NEO1: variants seen among roughly 807,000 people sequenced by gnomAD.
NEO1 encodes neogenin.
A neutral mutation model predicts 159.7 loss-of-function variants in NEO1; 63 were observed. That is an observed-to-expected ratio of 0.39 (90% CI 0.32 to 0.49). NEO1 has a LOEUF of 0.49. Ranked by LOEUF, NEO1 falls within the 20% of genes least tolerant of loss-of-function variation. NEO1 has a pLI of 0.85. For missense variants in NEO1, 1,615 were observed against 1,831.0 expected (o/e 0.88, Z 2.15); for synonymous variants, 633 against 662.0 (o/e 0.96, Z 0.67).
chr15:73,205,459 C>T (rs1478161321), intron 7 of NEO1, among the ~76,000 whole-genome samples: 1 of 152,196 alleles, frequency 6.6e-6, no homozygotes, highest in Non-Finnish European at 1.5e-5. Context: ...CTCTTCCTCT[C>T]CCCCTGCCAG....
intron 8 of NEO1, 71 bp from the exon 9 acceptor site, chr15:73,244,273 G>A (rs2039639615): frequency 6.7e-7 from 1 of 1,494,494 alleles, no homozygotes; most frequent in East Asian, 2.3e-5. Context: ...TATGTGGAGT[G>A]GAAAATGAAA....
chr15:73,285,662 T>C (rs2041917265), intron 23 of NEO1, among the ~76,000 whole-genome samples: 1 of 152,226 alleles, frequency 6.6e-6, no homozygotes, highest in African/African-American at 2.4e-5. Context: ...TACAGAGTCT[T>C]ACAACCTCAA....
At position 73,074,068 on chromosome 15, in the gene NEO1, A is replaced by C. The variant is rs145841965; in HGVS notation, c.130+21263A>C. Among the ~76,000 whole-genome samples, 166 of 152,312 alleles carry C rather than the reference A, an allele frequency of 1.1e-3. 3 individuals carry two copies. The highest frequency in any genetic ancestry group is 3.4e-3 in the Middle Eastern group (1 of 294). ...CAGTGTTTAATTCACCATTTCAACA[A>C]ATCTCTCCCTGCAGCCTACTAAGCT... On this transcript the variant is annotated intron_variant, in intron 1 of 28. Coordinates refer to ENST00000261908, the MANE Select transcript of NEO1 (RefSeq NM_002499.4).
intron 26 of NEO1, among the ~76,000 whole-genome samples, chr15:73,296,589 CA>C (rs1420220498): frequency 4.6e-5 from 7 of 152,200 alleles, no homozygotes; most frequent in African/African-American, 1.7e-4. Flanking sequence ...GCAACAAAGG[CA>C]GGGAAATGTG....
At chr15:73,132,220 A>G (rs186265534) in intron 4 of NEO1, among the ~76,000 whole-genome samples, 1 of 152,284 alleles carries the variant, frequency 6.6e-6, no homozygotes, top group Admixed American at 6.5e-5. Context: ...TACCTTCTTT[A>G]TCCAACTTTT....
At chr15:73,242,145 T>C (rs1033880564) in intron 8 of NEO1, among the ~76,000 whole-genome samples, 55 of 152,268 alleles carry the variant, frequency 3.6e-4, no homozygotes, top group African/African-American at 1.3e-3. Flanking sequence ...GTTTCAACTT[T>C]CCTGTGTGGG....
At chr15:73,109,334 G>T (rs557769474) in intron 1 of NEO1, among the ~76,000 whole-genome samples, 69 of 152,218 alleles carry the variant, frequency 4.5e-4, no homozygotes, top group South Asian at 1.0e-3. Flanking sequence ...TTCCTTGAAA[G>T]GAGGCATAAT....
At chr15:73,097,477 C>T (rs575868790) in intron 1 of NEO1, among the ~76,000 whole-genome samples, 3 of 150,800 alleles carry the variant, frequency 2.0e-5, no homozygotes, top group Admixed American at 6.6e-5. Flanking sequence ...TCTGCTGGCT[C>T]AGCCTCCCAG....
intron 1 of NEO1, among the ~76,000 whole-genome samples, chr15:73,085,582 T>G (rs1458052932): frequency 6.6e-6 from 1 of 152,220 alleles, no homozygotes; most frequent in Non-Finnish European, 1.5e-5. Flanking sequence ...ACTTTAAAAT[T>G]CCCACCAACA....
intron 5 of NEO1, among the ~76,000 whole-genome samples, 170 bp downstream of exon 5, chr15:73,136,197 G>A (rs931259851): frequency 1.3e-5 from 2 of 152,036 alleles, no homozygotes; most frequent in Non-Finnish European, 2.9e-5. Flanking sequence ...CTAGATATAT[G>A]ACTATAGGAA....
At chr15:73,301,501 A>C in intron 28 of NEO1, 44 bp downstream of exon 28, 1 of 1,613,296 alleles carries the variant, frequency 6.2e-7, no homozygotes, top group Non-Finnish European at 8.5e-7. Context: ...GCCTGGGAAC[A>C]TGCCCCAGGG....
At chr15:73,088,874 A>G (rs769573913) in intron 1 of NEO1, among the ~76,000 whole-genome samples, 7 of 152,092 alleles carry the variant, frequency 4.6e-5, no homozygotes, top group Non-Finnish European at 8.8e-5. Flanking sequence ...TTGAGGCTAG[A>G]AAAACTCCTA....
At chr15:73,283,942 A>G (rs1413900436) in intron 23 of NEO1, among the ~76,000 whole-genome samples, 2 of 152,156 alleles carry the variant, frequency 1.3e-5, no homozygotes, top group Non-Finnish European at 1.5e-5. Context: ...ATGAACAGGA[A>G]AGGATCATTG....
intron 22 of NEO1, among the ~76,000 whole-genome samples, chr15:73,281,990 C>G (rs574319009): frequency 3.3e-4 from 50 of 152,322 alleles, no homozygotes; most frequent in Non-Finnish European, 4.7e-4. Flanking sequence ...ATGGTCCAGC[C>G]TCTGCAGCTT....
intron 5 of NEO1, among the ~76,000 whole-genome samples, chr15:73,145,673 C>G (rs1272134396): frequency 6.6e-6 from 1 of 152,042 alleles, no homozygotes; most frequent in Non-Finnish European, 1.5e-5. Context: ...AAAGTAAGAT[C>G]CCAAAGCAAC....
At chr15:73,059,581 C>A (rs2067881022) in intron 1 of NEO1, among the ~76,000 whole-genome samples, 1 of 152,090 alleles carries the variant, frequency 6.6e-6, no homozygotes, top group African/African-American at 2.4e-5. Flanking sequence ...AGCATTTGGT[C>A]TAATGGTGGA....
intron 2 of NEO1, among the ~76,000 whole-genome samples, chr15:73,119,684 G>A (rs913135875): frequency 6.6e-6 from 1 of 152,284 alleles, no homozygotes; most frequent in East Asian, 1.9e-4. Flanking sequence ...AGCGTTCCCT[G>A]CCTTGTTATG....
chr15:73,165,111 T>TG lies in NEO1; in HGVS notation c.1016-11292_1016-11291insG, dbSNP rs1220309937. On this transcript the variant is annotated intron_variant, in intron 5 of 28. Transcript: ENST00000261908. ...CTGGCCAATTTTTTTTTTTTTTTTTTTTGTAGAGATAGGGGTCTCACTATG... is the reference window on the plus strand; with the variant it reads ...CTGGCCAATTTTTTTTTTTTTTTTTTGTTGTAGAGATAGGGGTCTCACTATG... Among the ~76,000 whole-genome samples, 689 of 150,960 alleles carry TG rather than the reference T, an allele frequency of 4.6e-3. 11 individuals are homozygous for TG. In the East Asian group the frequency reaches 0.046, roughly 10 times the overall value.
At chr15:73,225,539 G>C (rs755098743) in intron 7 of NEO1, among the ~76,000 whole-genome samples, 1 of 152,098 alleles carries the variant, frequency 6.6e-6, no homozygotes, top group Non-Finnish European at 1.5e-5. Context: ...CATTATGGCT[G>C]CCTCTGCTGA....
Sources: allele counts gnomAD v4.1 joint callset (sites outside exome capture counted in the v4.1 genomes callset), GRCh38; gene constraint gnomAD v4.1.1; transcripts MANE v1.5; gene names NCBI Gene and HGNC (gene_info 2026-07-23, HGNC 2026-07-21).